The following SLK variants were observed in gnomAD, a reference collection of about 807,000 sequenced individuals.
SLK encodes STE20-like serine/threonine-protein kinase.
SLK carries 67 observed loss-of-function variants against 147.7 expected under a neutral mutation model. The observed-to-expected ratio is 0.45, with a 90% CI of 0.37 to 0.56. SLK has a LOEUF of 0.56. SLK is among the 20% of genes least tolerant of loss of function. The pLI is 0.00. For synonymous variants in SLK, 441 were observed against 475.0 expected, an observed-to-expected ratio of 0.93 and a Z score of 0.93; for missense variants, 1,136 against 1,438.8, an observed-to-expected ratio of 0.79 and a Z score of 3.41.
At chr10:103,997,459 C>CT (rs1225815706) in intron 4 of SLK, among the ~76,000 whole-genome samples, 1 of 152,182 alleles carries the variant, frequency 6.6e-6, no homozygotes, top group Admixed American at 6.5e-5. Flanking sequence ...ATTGCTGAAT[C>CT]ATATGGTAAT....
chr10:103,979,645 A>G (rs960514909), intron 1 of SLK, among the ~76,000 whole-genome samples: 3 of 151,968 alleles, frequency 2.0e-5, no homozygotes, highest in South Asian at 4.1e-4. Context: ...GCTCATTTTC[A>G]TATGTTTATT....
chr10:103,988,619 C>G (rs1002502125), intron 1 of SLK, among the ~76,000 whole-genome samples: 3 of 152,140 alleles, frequency 2.0e-5, no homozygotes, highest in Admixed American at 2.0e-4. Flanking sequence ...TTACTAGCTA[C>G]ATGACCTGGG....
intron 1 of SLK, 76 bp downstream of exon 1, chr10:103,967,971 C>T (rs1013590980): frequency 6.3e-6 from 9 of 1,439,498 alleles, no homozygotes; most frequent in Non-Finnish European, 8.7e-6. Flanking sequence ...AGGACTTCTG[C>T]TCCCCTGGTC....
chr10:104,018,825 C>A lies in SLK; in HGVS notation c.3049C>A (p.Gln1017Lys), dbSNP rs202174450. The A allele has an allele frequency of 3.1e-6, 5 of 1,613,100 alleles. No individual in the cohort carries two copies. The highest frequency in any genetic ancestry group is 4.2e-6 in the Non-Finnish European group (5 of 1,179,684). Residue 1017 changes from glutamine to lysine, a missense_variant, in exon 15 of 19, where the codon CAA becomes AAA. By Grantham distance (53) the Gln-to-Lys change is moderately conservative. Transcript: ENST00000369755. The part of the protein sequence containing the change: ...AIWELEERHL[Q>K]EKHQLLKQQL... The stretch of plus-strand genomic sequence containing the variant: ...TTGGGAGCTCGAAGAACGACACTTA[C>A]AAGAAAAACACCAGCTGCTCAAACA...
chr10:104,025,104 G>A (rs1844580954), intron 18 of SLK, among the ~76,000 whole-genome samples: 1 of 152,128 alleles, frequency 6.6e-6, no homozygotes, highest in South Asian at 2.1e-4. Context: ...TCTGATTTAA[G>A]TTGTACCTTT....
intron 1 of SLK, among the ~76,000 whole-genome samples, chr10:103,981,611 T>C (rs1843943157): frequency 1.3e-5 from 2 of 152,100 alleles, no homozygotes; most frequent in South Asian, 4.1e-4. Flanking sequence ...ACTGTCCTTT[T>C]CTCATTGACT....
intron 6 of SLK, 136 bp from the exon 7 acceptor site, chr10:103,999,731 T>C (rs1260134647): frequency 3.4e-5 from 17 of 505,058 alleles, no homozygotes; most frequent in Non-Finnish European, 5.4e-5. Context: ...CTTAATAGTC[T>C]CATTAACTAG....
chr10:103,990,962 T>C, intron 2 of SLK, 123 bp downstream of exon 2: 4 of 473,942 alleles, frequency 8.4e-6, no homozygotes, highest in Non-Finnish European at 1.4e-5. Context: ...TTGTGTCACT[T>C]GAATGAGAGT....
intron 4 of SLK, among the ~76,000 whole-genome samples, chr10:103,997,184 CT>C (rs1844186075): frequency 6.6e-6 from 1 of 152,186 alleles, no homozygotes; most frequent in South Asian, 2.1e-4. Context: ...AACATTTGTC[CT>C]TTTGTGACTG....
intron 13 of SLK, among the ~76,000 whole-genome samples, chr10:104,016,089 T>C (rs369068385): frequency 3.0e-4 from 46 of 152,108 alleles, no homozygotes; most frequent in Admixed American, 4.6e-4. Flanking sequence ...GAGGCCGAGG[T>C]GGGCGAATCA....
In SLK at chr10:103,995,085, TTTCATTATTTTCA is replaced by T. The variant is rs1415816312; in HGVS notation, c.514+1961_514+1973del. 6.6e-5 allele frequency among the ~76,000 whole-genome samples: 10 copies of T among 152,370 alleles called. No individual in the cohort carries two copies. The East Asian group carries it at 1.9e-3, about 29-fold the overall frequency. ...ATGATTTTGATATAAACACCAATTA[TTTCATTATTTTCA>T]TTCATTATAAAATTAGTAATGAAGA... On this transcript the variant is annotated intron_variant, in intron 4 of 18. Coordinates refer to ENST00000369755, the MANE Select transcript of SLK (RefSeq NM_014720.4).
In SLK at chr10:104,002,862, G is replaced by A. The variant is rs767100772; in HGVS notation, c.1684G>A (p.Asp562Asn). The A allele has an allele frequency of 3.7e-6, 6 of 1,614,100 alleles. No individual in the cohort carries two copies. Among genetic ancestry groups the A allele is most frequent in the Non-Finnish European group, 5.1e-6 (6 of 1,180,012 alleles). Residue 562 changes from aspartate to asparagine, a missense_variant, in exon 9 of 19, where the codon GAT becomes AAT. By Grantham distance (23) the Asp-to-Asn change is conservative (BLOSUM62 1). This residue lies in a region of SLK where 516 missense variants were observed against 531.3 expected (regional missense o/e 0.97). Coordinates refer to ENST00000369755, the MANE Select transcript of SLK (RefSeq NM_014720.4). ...GGCAGCAGATGTGGCTCAGAAAGTG[G>A]ATGAAGACAGTGCTGAGGATACGCA... The part of the protein sequence containing the change: ...CEAADVAQKV[D>N]EDSAEDTQSN...
chr10:103,981,653 C>T (rs78009235), intron 1 of SLK, among the ~76,000 whole-genome samples: 2,275 of 149,476 alleles, frequency 0.015, 159 homozygotes, highest in East Asian at 0.12. Context: ...AATCATTAGA[C>T]CATATATATG....
chr10:103,996,337 T>G (rs1394411506), intron 4 of SLK, among the ~76,000 whole-genome samples: 2 of 146,186 alleles, frequency 1.4e-5, no homozygotes, highest in East Asian at 3.9e-4. Flanking sequence ...TGCTAAAAGT[T>G]TTTTTTTTTT....
Position 104,003,511 on chromosome 10 carries a change from G to T in SLK, c.2333G>T (p.Gly778Val). ...TTTCTAAGTAAAACTAAAGACAGTG[G>T]ATCGATATCTTTACAAGTAAGTGTA... ...SSFLSKTKDS[G>V]SISLQETRRQ... The change falls in exon 9 of 19, where the codon GGA (glycine) becomes GTA (valine). Residue 778 changes from glycine to valine, a missense_variant. This residue lies in a region of SLK where 516 missense variants were observed against 531.3 expected (regional missense o/e 0.97). Coordinates refer to ENST00000369755, the MANE Select transcript of SLK (RefSeq NM_014720.4). 6.3e-7 allele frequency: 1 copy of T among 1,576,686 alleles called. No homozygotes were observed. The highest frequency in any genetic ancestry group is 8.6e-7 in the Non-Finnish European group (1 of 1,163,486).
At chr10:104,003,553 G>A in intron 9 of SLK, 26 bp downstream of exon 9, 1 of 1,505,642 alleles carries the variant, frequency 6.6e-7, no homozygotes, top group South Asian at 1.4e-5. Flanking sequence ...TCATTGTTTG[G>A]GTTTTCCTTT....
chr10:103,988,185 T>G (rs945012155), intron 1 of SLK, among the ~76,000 whole-genome samples: 7 of 152,190 alleles, frequency 4.6e-5, no homozygotes, highest in African/African-American at 1.7e-4. Context: ...CAAAGAATGT[T>G]TCTTTTCTCC....
intron 1 of SLK, among the ~76,000 whole-genome samples, chr10:103,986,426 G>A (rs747927603): frequency 3.3e-5 from 5 of 152,124 alleles, no homozygotes; most frequent in Admixed American, 3.3e-4. Flanking sequence ...CACAGTTCAC[G>A]ATAGAGTTCA....
chr10:104,016,818 C>T (rs1844471417), intron 13 of SLK, among the ~76,000 whole-genome samples: 1 of 152,154 alleles, frequency 6.6e-6, no homozygotes, highest in Non-Finnish European at 1.5e-5. Context: ...CCTCATCAGA[C>T]TCTGAGGCCT....
Sources: gnomAD v4.1 joint callset for allele counts (sites outside exome capture counted in the v4.1 genomes callset) on GRCh38, gnomAD v4.1.1 for gene constraint, gnomAD v4.1.1 regional missense constraint, MANE v1.5 for transcripts, NCBI Gene and HGNC (gene_info 2026-07-23, HGNC 2026-07-21) for gene names.